The following TBCK variants were observed in gnomAD, a reference collection of about 807,000 sequenced individuals.
TBCK encodes TBC1 domain containing kinase, also known as TBC domain-containing protein kinase-like protein.
In TBCK, 99 loss-of-function variants were observed where a neutral mutation model predicts 113.4. The ratio of observed to expected loss-of-function variants is 0.87; its 90% CI spans 0.74 to 1.03. The LOEUF is 1.03. Among genes scored for constraint, TBCK ranks in the 50% least tolerant of loss-of-function variants. The probability of loss-of-function intolerance (pLI) is 0.00; values close to 1 mark genes in which losing one functional copy is unlikely to be tolerated. For missense variants in TBCK, 1,045 were observed against 1,061.3 expected, an observed-to-expected ratio of 0.98 and a Z score of 0.21; for synonymous variants, 369 against 370.8, an observed-to-expected ratio of 1.00 and a Z score of 0.05.
intron 2 of TBCK, among the ~76,000 whole-genome samples, chr4:106,295,750 T>C (rs1766228810): frequency 6.6e-6 from 1 of 152,164 alleles, no homozygotes; most frequent in Non-Finnish European, 1.5e-5. Flanking sequence ...TCCCAAAACT[T>C]AACTACTAAT....
Position 106,114,509 on chromosome 4 carries a change from A to C in TBCK, c.2411+1694T>G, listed in dbSNP as rs541727107. On this transcript the variant is annotated intron_variant, in intron 24 of 25. Coordinates refer to ENST00000394708, the MANE Select transcript of TBCK (RefSeq NM_001163435.3). Reference sequence around the variant, plus strand: ...AATCTGTAACTAAATAAATGCCTGCAGCACCAGCTTGTCAGGGCTACAGCT... The same window carrying C: ...AATCTGTAACTAAATAAATGCCTGCCGCACCAGCTTGTCAGGGCTACAGCT... 6.6e-4 allele frequency among the ~76,000 whole-genome samples: 101 copies of C among 152,312 alleles called. 4 individuals are homozygous for C. In the South Asian group the frequency reaches 0.02, roughly 30 times the overall value.
At chr4:106,155,901 C>A (rs1749067727) in intron 23 of TBCK, among the ~76,000 whole-genome samples, 1 of 151,948 alleles carries the variant, frequency 6.6e-6, no homozygotes. Flanking sequence ...TTATTTAGTT[C>A]ATTTAGTGAG....
rs1466085350 is a variant in TBCK, at chr4:106,132,849, C to T, written c.2236-16471G>A. ...ACTGCCTTATTGGAGTCTGAACTTG[C>T]ATGAGACCTGTGGCCCTCTTGTTTT... On this transcript the variant is annotated intron_variant, in intron 23 of 25. Transcript: ENST00000394708. Among the ~76,000 whole-genome samples the T allele has an allele frequency of 1.2e-4, 18 of 152,310 alleles. No homozygotes were observed. In the South Asian group the frequency reaches 3.7e-3, roughly 32 times the overall value.
chr4:106,229,739 C>G (rs1333839129), intron 19 of TBCK, among the ~76,000 whole-genome samples: 1 of 149,988 alleles, frequency 6.7e-6, no homozygotes, highest in Non-Finnish European at 1.5e-5. Flanking sequence ...TTTTGTGGGT[C>G]CATATAAATT....
chr4:106,176,744 G>C (rs1165965762), intron 22 of TBCK, among the ~76,000 whole-genome samples: 1 of 151,746 alleles, frequency 6.6e-6, no homozygotes, highest in African/African-American at 2.4e-5. Flanking sequence ...CTACTTTTTT[G>C]AGGAACCTCC....
intron 25 of TBCK, among the ~76,000 whole-genome samples, chr4:106,061,483 T>G (rs956199226): frequency 6.6e-6 from 1 of 150,876 alleles, no homozygotes; most frequent in African/African-American, 2.4e-5. Context: ...GATTAAGGTA[T>G]GTATGTACTT....
intron 23 of TBCK, 33 bp downstream of exon 23, chr4:106,171,062 T>C (rs536760040): frequency 2.0e-6 from 3 of 1,538,224 alleles, no homozygotes; most frequent in South Asian, 2.6e-5. Context: ...CATCTCCTTT[T>C]AGAGTTTGTA....
chr4:106,225,604 C>T (rs1271618859), intron 19 of TBCK, among the ~76,000 whole-genome samples: 2 of 152,008 alleles, frequency 1.3e-5, no homozygotes, highest in Admixed American at 1.3e-4. Context: ...GGATTACAGG[C>T]GCCTGCCACC....
At chr4:106,211,815 TATATACAC>T (rs1252962504) in intron 20 of TBCK, among the ~76,000 whole-genome samples, 1 of 152,110 alleles carries the variant, frequency 6.6e-6, no homozygotes, top group Non-Finnish European at 1.5e-5. Context: ...TTTTCCTATG[TATATACAC>T]ATATACACTA....
At chr4:106,134,963 T>C (rs1040275139) in intron 23 of TBCK, among the ~76,000 whole-genome samples, 1 of 152,220 alleles carries the variant, frequency 6.6e-6, no homozygotes. Context: ...TCTAAAGTGC[T>C]TGGTAGACTG....
At chr4:106,316,386 G>C (rs1284954234), upstream of TBCK, 23 of 680,066 alleles carry the variant, frequency 3.4e-5, no homozygotes, top group Non-Finnish European at 5.7e-5. Context: ...TACTGGGTGA[G>C]GGAATGGAAG....
At chr4:106,214,705 T>A (rs1756642557) in intron 19 of TBCK, among the ~76,000 whole-genome samples, 1 of 152,036 alleles carries the variant, frequency 6.6e-6, no homozygotes, top group African/African-American at 2.4e-5. Context: ...CCAAGCAATA[T>A]GGGACTATGT....
intron 25 of TBCK, among the ~76,000 whole-genome samples, chr4:106,067,006 T>G (rs183328956): frequency 1.3e-5 from 2 of 152,240 alleles, no homozygotes. Flanking sequence ...AGTCCCTGTT[T>G]TCAATTCTTT....
intron 15 of TBCK, among the ~76,000 whole-genome samples, chr4:106,234,724 T>C (rs1759257866): frequency 6.6e-6 from 1 of 152,172 alleles, no homozygotes; most frequent in African/African-American, 2.4e-5. Context: ...ATTATTATGA[T>C]TGATGTCATC....
intron 3 of TBCK, 31 bp from the exon 4 acceptor site, chr4:106,262,243 T>G: frequency 8.0e-7 from 1 of 1,256,056 alleles, no homozygotes. Context: ...CAAAGATCAA[T>G]TACAAAGCAA....
chr4:106,110,183 C>A (rs565933117), intron 24 of TBCK, among the ~76,000 whole-genome samples: 129 of 152,322 alleles, frequency 8.5e-4, no homozygotes, highest in African/African-American at 3.0e-3. Flanking sequence ...GTCAGGGCTG[C>A]GGCTGCTACA....
rs181104051 is a variant in TBCK, at chr4:106,147,626, T to G, written c.2235+23469A>C. 1.1e-4 allele frequency among the ~76,000 whole-genome samples: 17 copies of G among 152,312 alleles called. No homozygotes were observed. In the East Asian group the frequency reaches 3.1e-3, roughly 28 times the overall value. ...CTTCCCCAATCAGTACCCTTGTGAT[T>G]TCCTATGCCTGTCTTTACTTTAATC... On this transcript the variant is annotated intron_variant, in intron 23 of 25. Transcript: ENST00000394708.
chr4:106,217,534 A>G (rs1757105273), intron 19 of TBCK, among the ~76,000 whole-genome samples: 1 of 152,166 alleles, frequency 6.6e-6, no homozygotes, highest in African/African-American at 2.4e-5. Context: ...AGGATACAAA[A>G]TCAATGTGCA....
chr4:106,268,373 T>C (rs1431626290), intron 3 of TBCK, among the ~76,000 whole-genome samples: 1 of 152,070 alleles, frequency 6.6e-6, no homozygotes, highest in Non-Finnish European at 1.5e-5. Context: ...GACTAGCTTA[T>C]TCAACTATGA....
Sources: allele counts gnomAD v4.1 joint callset (sites outside exome capture counted in the v4.1 genomes callset), GRCh38; gene constraint gnomAD v4.1.1; transcripts MANE v1.5; gene names NCBI Gene and HGNC (gene_info 2026-07-23, HGNC 2026-07-21).